The following CNTN4 variants were observed in gnomAD, a reference collection of about 807,000 sequenced individuals.
CNTN4 encodes the protein contactin-4.
In CNTN4, 77 loss-of-function variants were observed where a neutral mutation model predicts 122.5. The observed-to-expected ratio is 0.63, with a 90% CI of 0.52 to 0.76. The LOEUF is 0.76. Ranked by LOEUF, CNTN4 falls within the 30% of genes least tolerant of loss-of-function variation. The pLI is 0.00. For missense variants in CNTN4, 1,256 were observed against 1,259.1 expected, an observed-to-expected ratio of 1.00 and a Z score of 0.04; for synonymous variants, 512 against 447.0, an observed-to-expected ratio of 1.15 and a Z score of -1.83.
At chr3:2,950,992 A>G (rs1323071696) in intron 13 of CNTN4, among the ~76,000 whole-genome samples, 1 of 152,244 alleles carries the variant, frequency 6.6e-6, no homozygotes, top group Non-Finnish European at 1.5e-5. Context: ...CACTAGCTGT[A>G]TCACTTTGGG....
chr3:2,945,202 C>A (rs998894698), intron 13 of CNTN4, among the ~76,000 whole-genome samples: 4 of 151,988 alleles, frequency 2.6e-5, no homozygotes, highest in Non-Finnish European at 5.9e-5. Flanking sequence ...CTGTATGGCA[C>A]CCTTATCATA....
chr3:3,026,449 T>C (rs191441669), intron 15 of CNTN4, among the ~76,000 whole-genome samples, 172 bp downstream of exon 15: 101 of 152,292 alleles, frequency 6.6e-4, no homozygotes, highest in African/African-American at 2.4e-3. Flanking sequence ...TGAACAACTC[T>C]ATATGGCAGG....
chr3:2,707,083 TGAGACCAG>T (rs1426323563), intron 4 of CNTN4, among the ~76,000 whole-genome samples: 1 of 151,932 alleles, frequency 6.6e-6, no homozygotes, highest in Non-Finnish European at 1.5e-5. Flanking sequence ...GTGGATCGCT[TGAGACCAG>T]GAGTTCAGGA....
intron 23 of CNTN4, among the ~76,000 whole-genome samples, chr3:3,044,161 G>C (rs903629207): frequency 6.6e-6 from 1 of 152,136 alleles, no homozygotes; most frequent in Non-Finnish European, 1.5e-5. Context: ...AGGAAAAGTG[G>C]AGAAAATGTT....
intron 3 of CNTN4, among the ~76,000 whole-genome samples, chr3:2,526,690 C>G (rs950784182): frequency 1.3e-5 from 2 of 152,042 alleles, no homozygotes; most frequent in African/African-American, 4.8e-5. Context: ...CTCTTATATT[C>G]ATGAAATATA....
At chr3:2,377,201 A>AT (rs1349336120) in intron 3 of CNTN4, among the ~76,000 whole-genome samples, 3 of 151,856 alleles carry the variant, frequency 2.0e-5, no homozygotes, top group Non-Finnish European at 4.4e-5. Context: ...TTTTCATTCC[A>AT]AGTTTTTAGA....
intron 3 of CNTN4, among the ~76,000 whole-genome samples, chr3:2,550,185 T>C (rs544159279): frequency 6.6e-6 from 1 of 152,268 alleles, no homozygotes; most frequent in African/African-American, 2.4e-5. Context: ...GGGTTTTTCA[T>C]GTATCTATCT....
intron 7 of CNTN4, among the ~76,000 whole-genome samples, chr3:2,824,737 C>G (rs1156723079): frequency 6.6e-6 from 1 of 152,130 alleles, no homozygotes; most frequent in African/African-American, 2.4e-5. Context: ...TCTCGGCTCA[C>G]TGCAACCTCC....
intron 3 of CNTN4, among the ~76,000 whole-genome samples, chr3:2,521,343 T>TCGCCCCCCCCC (rs781282977): frequency 1.6e-3 from 199 of 128,264 alleles, no homozygotes; most frequent in Admixed American, 2.0e-3. Context: ...CCTCTACCCA[T>TCGCCCCCCCCC]CCCCCCCACC....
intron 3 of CNTN4, among the ~76,000 whole-genome samples, chr3:2,378,986 C>A (rs1282800724): frequency 1.3e-5 from 2 of 152,134 alleles, no homozygotes; most frequent in Admixed American, 1.3e-4. Flanking sequence ...ACCATCCACA[C>A]TTCAACAATT....
At chr3:2,499,018 G>T (rs879858935) in intron 3 of CNTN4, among the ~76,000 whole-genome samples, 6 of 152,082 alleles carry the variant, frequency 3.9e-5, no homozygotes, top group South Asian at 2.1e-4. Flanking sequence ...TCGAACTCCT[G>T]ACCTCAAGTG....
In CNTN4 at chr3:2,916,734, T is replaced by G. The variant is rs927399715; in HGVS notation, c.1208-8895T>G. 5.9e-4 allele frequency among the ~76,000 whole-genome samples: 83 copies of G among 141,420 alleles called. 2 individuals carry two copies. Among genetic ancestry groups the G allele is most frequent in the Non-Finnish European group, 1.0e-3 (67 of 66,794 alleles). The allele number at this position is 141,420 out of a possible 152,430, so 92.8% of individuals were successfully genotyped here. ...TGTTGGGTACACCTCCCAGACGGGG[T>G]GGCGGCCGGGCAGAGGGGCTCCTCA... On this transcript the variant is annotated intron_variant, in intron 12 of 24. Coordinates refer to ENST00000418658, the MANE Select transcript of CNTN4 (RefSeq NM_175607.3).
chr3:2,736,986 G>A (rs566969768), intron 5 of CNTN4, among the ~76,000 whole-genome samples: 1 of 152,038 alleles, frequency 6.6e-6, no homozygotes, highest in South Asian at 2.1e-4. Flanking sequence ...ATTTCATCAT[G>A]TTGACCAGGC....
chr3:2,200,799 T>C (rs1233495291), intron 2 of CNTN4, among the ~76,000 whole-genome samples: 1 of 152,158 alleles, frequency 6.6e-6, no homozygotes. Flanking sequence ...ATGTGGTGCA[T>C]TTTGAATGTG....
At chr3:2,669,191 G>A (rs2084350471) in intron 4 of CNTN4, among the ~76,000 whole-genome samples, 1 of 152,140 alleles carries the variant, frequency 6.6e-6, no homozygotes, top group Admixed American at 6.5e-5. Flanking sequence ...TGTACCTCTG[G>A]TAGAATTCGG....
At chr3:2,987,347 A>G (rs563127227) in intron 13 of CNTN4, among the ~76,000 whole-genome samples, 2 of 152,344 alleles carry the variant, frequency 1.3e-5, no homozygotes, top group African/African-American at 4.8e-5. Flanking sequence ...GCTTTAAGCC[A>G]GGAGAGTGAT....
In CNTN4 at chr3:2,983,213, C is replaced by CAAAAAAAAAA. The variant is rs57079892; in HGVS notation, c.1359-5099_1359-5090dup. Among the ~76,000 whole-genome samples the CAAAAAAAAAA allele has an allele frequency of 1.6e-4, 3 of 19,016 alleles. 1 individual carries two copies. The highest frequency in any genetic ancestry group is 3.3e-4 in the African/African-American group (2 of 6,140). The allele number at this position is 19,016 out of a possible 152,430, so 12.5% of individuals were successfully genotyped here. On this transcript the variant is annotated intron_variant, in intron 13 of 24. Coordinates refer to ENST00000418658, the MANE Select transcript of CNTN4 (RefSeq NM_175607.3). The stretch of plus-strand genomic sequence containing the variant: ...TGGGTGACAGAGCGAGACTCCATCT[C>CAAAAAAAAAA]AAAAAAAAAAAAAAAAAAAAAAAAA...
At chr3:2,560,510 C>G (rs1173443503) in intron 3 of CNTN4, among the ~76,000 whole-genome samples, 1 of 152,114 alleles carries the variant, frequency 6.6e-6, no homozygotes, top group Non-Finnish European at 1.5e-5. Context: ...TATTATGTTC[C>G]TTTTGCATTA....
intron 6 of CNTN4, among the ~76,000 whole-genome samples, chr3:2,753,034 A>T (rs770962249): frequency 4.6e-5 from 7 of 152,120 alleles, no homozygotes; most frequent in Non-Finnish European, 7.4e-5. Context: ...ATGGGCACTT[A>T]GGTTGATTCC....
Sources: allele counts gnomAD v4.1 joint callset (sites outside exome capture counted in the v4.1 genomes callset), GRCh38; gene constraint gnomAD v4.1.1; transcripts MANE v1.5; gene names NCBI Gene and HGNC (gene_info 2026-07-23, HGNC 2026-07-21).